The following UBASH3B variants were observed in gnomAD, a reference collection of about 807,000 sequenced individuals.
UBASH3B encodes ubiquitin associated and SH3 domain containing B.
In UBASH3B, 37 loss-of-function variants were observed where a neutral mutation model predicts 83.4. The ratio of observed to expected loss-of-function variants is 0.44; its 90% confidence interval spans 0.34 to 0.58. The LOEUF (loss-of-function observed/expected upper bound fraction) is 0.58. Ranked by LOEUF, UBASH3B falls within the 20% of genes least tolerant of loss-of-function variation. The pLI is 0.01. For missense variants in UBASH3B, 657 were observed against 827.2 expected (o/e 0.79, Z 2.52); for synonymous variants, 304 against 318.3 (o/e 0.96, Z 0.48).
intron 1 of UBASH3B, among the ~76,000 whole-genome samples, chr11:122,716,783 C>G (rs1186845814): frequency 6.6e-6 from 1 of 152,104 alleles, no homozygotes; most frequent in Non-Finnish European, 1.5e-5. Context: ...TTTTCTGAAT[C>G]TTGAACAGCA....
chr11:122,710,168 A>G (rs2135935663), intron 1 of UBASH3B, among the ~76,000 whole-genome samples: 1 of 152,084 alleles, frequency 6.6e-6, no homozygotes, highest in Admixed American at 6.5e-5. Flanking sequence ...AAAAAAAAAA[A>G]AAAAGCATTC....
Position 122,711,508 on chromosome 11 carries a change from C to T in UBASH3B, c.161+55298C>T, listed in dbSNP as rs551275149. Among the ~76,000 whole-genome samples the T allele has an allele frequency of 1.8e-3, 275 of 152,316 alleles. 1 individual carries two copies. Among genetic ancestry groups the T allele is most frequent in the Admixed American group, 5.3e-3 (81 of 15,300 alleles). The stretch of plus-strand genomic sequence containing the variant: ...TGTGATAAGCAGGCCTGAACGGAGC[C>T]GAGGAAGGCCGGGCACTGGCAGCCT... On this transcript the variant is annotated intron_variant, in intron 1 of 13. Coordinates refer to ENST00000284273, the MANE Select transcript of UBASH3B (RefSeq NM_032873.5).
At chr11:122,785,529 G>A (rs760510074) in intron 5 of UBASH3B, among the ~76,000 whole-genome samples, 2 of 152,156 alleles carry the variant, frequency 1.3e-5, no homozygotes, top group East Asian at 1.9e-4. Flanking sequence ...ATTTGGACAC[G>A]CGAATCCCAT....
rs901629853 is a variant in UBASH3B at position 122,665,974 on chromosome 11, A to G, written c.161+9764A>G. On this transcript the variant is annotated intron_variant, in intron 1 of 13. Transcript: ENST00000284273. ...TCCCGGCCTCTGTGGAAGCATAAACATTCTTGTACATAAAGCAACTGTGGC... is the reference window on the plus strand; with the variant it reads ...TCCCGGCCTCTGTGGAAGCATAAACGTTCTTGTACATAAAGCAACTGTGGC... Among the ~76,000 whole-genome samples the G allele has an allele frequency of 2.6e-5, 4 of 152,304 alleles. No individual in the cohort carries two copies. In the East Asian group the frequency reaches 5.8e-4, roughly 22 times the overall value.
chr11:122,761,278 C>G (rs543272058), intron 1 of UBASH3B, among the ~76,000 whole-genome samples: 1 of 152,256 alleles, frequency 6.6e-6, no homozygotes, highest in South Asian at 2.1e-4. Flanking sequence ...CTCACATATT[C>G]TTTACCCCCA....
intron 11 of UBASH3B, among the ~76,000 whole-genome samples, chr11:122,802,430 A>C (rs1268132033): frequency 6.6e-6 from 1 of 152,060 alleles, no homozygotes; most frequent in Non-Finnish European, 1.5e-5. Flanking sequence ...CACAACCATT[A>C]TAATGGGGAA....
intron 1 of UBASH3B, among the ~76,000 whole-genome samples, chr11:122,712,970 C>A (rs191994124): frequency 0.015 from 1,864 of 123,296 alleles, 36 homozygotes; most frequent in African/African-American, 0.051. Context: ...TGCAGTGGTG[C>A]GATCTCGGCT....
At chr11:122,794,000 T>A (rs1026254095) in intron 6 of UBASH3B, among the ~76,000 whole-genome samples, 1 of 152,116 alleles carries the variant, frequency 6.6e-6, no homozygotes, top group East Asian at 1.9e-4. Flanking sequence ...ACGGGAAATA[T>A]TAAAGGCAAC....
At chr11:122,668,378 G>A (rs1716365358) in intron 1 of UBASH3B, among the ~76,000 whole-genome samples, 1 of 152,168 alleles carries the variant, frequency 6.6e-6, no homozygotes, top group Non-Finnish European at 1.5e-5. Context: ...GGTTTTCTCT[G>A]TCTTTTCCTT....
At chr11:122,676,654 G>A (rs1202451964) in intron 1 of UBASH3B, among the ~76,000 whole-genome samples, 4 of 152,180 alleles carry the variant, frequency 2.6e-5, no homozygotes, top group Non-Finnish European at 4.4e-5. Context: ...AGGTTGCAGT[G>A]AGCCAAGAAT....
intron 1 of UBASH3B, among the ~76,000 whole-genome samples, chr11:122,717,464 T>C (rs1860544253): frequency 6.6e-6 from 1 of 152,252 alleles, no homozygotes; most frequent in African/African-American, 2.4e-5. Flanking sequence ...ACACCCAGGC[T>C]GCCTGGATCC....
chr11:122,705,979 G>A (rs1037210858), intron 1 of UBASH3B, among the ~76,000 whole-genome samples: 32 of 152,120 alleles, frequency 2.1e-4, no homozygotes, highest in Admixed American at 7.2e-4. Flanking sequence ...TGGGACACAA[G>A]TGGGGGCTGC....
chr11:122,691,544 G>A (rs760191400), intron 1 of UBASH3B, among the ~76,000 whole-genome samples: 2 of 152,172 alleles, frequency 1.3e-5, no homozygotes, highest in Non-Finnish European at 1.5e-5. Context: ...TCCCACCGGG[G>A]TGCTGCTGGA....
chr11:122,710,589 C>A (rs577647919), intron 1 of UBASH3B, among the ~76,000 whole-genome samples: 11 of 152,326 alleles, frequency 7.2e-5, no homozygotes, highest in African/African-American at 2.4e-4. Flanking sequence ...TCAATCTCTG[C>A]CTCCAGAAGC....
intron 1 of UBASH3B, among the ~76,000 whole-genome samples, chr11:122,690,898 G>T (rs1391604352): frequency 6.6e-6 from 1 of 152,056 alleles, no homozygotes; most frequent in East Asian, 1.9e-4. Flanking sequence ...TAGTATTTCC[G>T]AGCTGAGGAA....
chr11:122,780,689 A>T (rs1466987836), intron 4 of UBASH3B, among the ~76,000 whole-genome samples: 10 of 152,204 alleles, frequency 6.6e-5, no homozygotes, highest in Admixed American at 6.5e-4. Context: ...GACGATGTTG[A>T]TCAGGACAAT....
rs1456150613 is a variant in UBASH3B at position 122,755,942 on chromosome 11, A to G, written c.162-20277A>G. 2.6e-5 allele frequency among the ~76,000 whole-genome samples: 4 copies of G among 152,322 alleles called. No individual in the cohort carries two copies. In the South Asian group the frequency reaches 6.2e-4, roughly 24 times the overall value. On this transcript the variant is annotated intron_variant, in intron 1 of 13. Transcript: ENST00000284273. ...AATTACAGGAGTCTTTTGTACCTAA[A>G]CATTGCAGTGTTCCTCTCCCCATTA...
At chr11:122,704,823 T>A (rs1446476361) in intron 1 of UBASH3B, among the ~76,000 whole-genome samples, 1 of 152,122 alleles carries the variant, frequency 6.6e-6, no homozygotes, top group East Asian at 1.9e-4. Flanking sequence ...ATTTTTTTTT[T>A]AATAGAAAAC....
At chr11:122,747,914 G>C (rs1412059550) in intron 1 of UBASH3B, among the ~76,000 whole-genome samples, 1 of 152,180 alleles carries the variant, frequency 6.6e-6, no homozygotes, top group Non-Finnish European at 1.5e-5. Flanking sequence ...GTGTAACAGG[G>C]ATAATAATGA....
Sources: allele counts gnomAD v4.1 joint callset (sites outside exome capture counted in the v4.1 genomes callset), GRCh38; gene constraint gnomAD v4.1.1; transcripts MANE v1.5; gene names NCBI Gene and HGNC (gene_info 2026-07-23, HGNC 2026-07-21).